PID1: variants seen among roughly 807,000 people sequenced by gnomAD.
PID1 encodes the protein phosphotyrosine interaction domain containing 1, also known as PTB-containing, cubilin and LRP1-interacting protein.
Under a neutral mutation model 19.1 loss-of-function variants are expected in PID1, and 10 were observed. The ratio of observed to expected loss-of-function variants is 0.52; its 90% CI spans 0.32 to 0.89. PID1 has a LOEUF of 0.89. Among genes scored for constraint, PID1 ranks in the 40% least tolerant of loss-of-function variants. PID1 has a pLI of 0.03. For synonymous variants in PID1, 130 were observed against 116.0 expected, an observed-to-expected ratio of 1.12 and a Z score of -0.78; for missense variants, 248 against 285.3, an observed-to-expected ratio of 0.87 and a Z score of 0.94.
At chr2:229,203,498 A>C (rs1271233226) in intron 1 of PID1, among the ~76,000 whole-genome samples, 1 of 149,236 alleles carries the variant, frequency 6.7e-6, no homozygotes, top group African/African-American at 2.4e-5. Flanking sequence ...TTTCACTTAA[A>C]GTCACAGTTT....
intron 2 of PID1, among the ~76,000 whole-genome samples, chr2:229,039,632 G>A (rs774612693): frequency 2.0e-5 from 3 of 152,208 alleles, no homozygotes; most frequent in Admixed American, 6.5e-5. Context: ...CTTAACTGAC[G>A]GATTCTTATT....
intron 1 of PID1, among the ~76,000 whole-genome samples, chr2:229,220,391 C>T (rs1237111692): frequency 6.6e-6 from 1 of 152,130 alleles, no homozygotes; most frequent in Non-Finnish European, 1.5e-5. Flanking sequence ...CACAAAAGGA[C>T]TGTACAACTG....
At chr2:229,208,868 C>T (rs1181592070) in intron 1 of PID1, among the ~76,000 whole-genome samples, 8 of 152,058 alleles carry the variant, frequency 5.3e-5, no homozygotes, top group Non-Finnish European at 1.5e-5. Flanking sequence ...ATCCTGGAGT[C>T]TCACAGTTAA....
chr2:229,232,788 AATATATATATATAT>A (rs3997299), intron 1 of PID1, among the ~76,000 whole-genome samples: 2,380 of 139,878 alleles, frequency 0.017, 35 homozygotes, highest in East Asian at 0.059. Context: ...CACACACATA[AATATATATATATAT>A]ATATATATAT....
At chr2:229,180,128 G>A (rs925644040) in intron 1 of PID1, among the ~76,000 whole-genome samples, 11 of 152,162 alleles carry the variant, frequency 7.2e-5, no homozygotes, top group African/African-American at 2.4e-4. Context: ...TCTGCTTGAT[G>A]AGTCTTTGCA....
intron 1 of PID1, among the ~76,000 whole-genome samples, chr2:229,268,945 G>A (rs552047391): frequency 2.1e-4 from 32 of 151,566 alleles, no homozygotes; most frequent in African/African-American, 7.7e-4. Flanking sequence ...TCTCTCAGAG[G>A]CAAAAGTAAA....
At chr2:229,148,778 AGAAG>A (rs1690188254) in intron 2 of PID1, among the ~76,000 whole-genome samples, 1 of 151,328 alleles carries the variant, frequency 6.6e-6, no homozygotes, top group Non-Finnish European at 1.5e-5. Context: ...GAGGGAGGGA[AGAAG>A]GAAGGGAGAG....
intron 2 of PID1, among the ~76,000 whole-genome samples, chr2:229,040,083 C>A (rs772469137): frequency 3.4e-5 from 5 of 147,606 alleles, no homozygotes; most frequent in African/African-American, 5.0e-5. Context: ...AGTATATGTA[C>A]TTACATGAAG....
intron 2 of PID1, among the ~76,000 whole-genome samples, chr2:229,120,967 T>C (rs902983690): frequency 6.6e-6 from 1 of 152,078 alleles, no homozygotes; most frequent in Non-Finnish European, 1.5e-5. Flanking sequence ...CACCATATGA[T>C]GCTACACAAA....
intron 2 of PID1, among the ~76,000 whole-genome samples, chr2:229,120,757 G>A (rs749359658): frequency 6.6e-6 from 1 of 152,078 alleles, no homozygotes; most frequent in Non-Finnish European, 1.5e-5. Context: ...TGTGGGCCTA[G>A]TGGGAGATGT....
At chr2:229,075,745 C>T (rs1257877244) in intron 2 of PID1, among the ~76,000 whole-genome samples, 1 of 152,198 alleles carries the variant, frequency 6.6e-6, no homozygotes, top group Non-Finnish European at 1.5e-5. Flanking sequence ...GTCCCCAACT[C>T]TCACTAAAGA....
rs556064221 is a variant in PID1 at position 229,258,841 on chromosome 2, G to A, written c.30+12173C>T. ...GGCGCCACTGCACTCCAGCCTGGGC[G>A]ACAAAGCGAGACTCCGTCTCAAAAA... is the stretch of plus-strand genomic sequence containing the variant. On this transcript the variant is annotated intron_variant, in intron 1 of 2. Coordinates refer to ENST00000392055, the MANE Select transcript of PID1 (RefSeq NM_001100818.2). 6.9e-5 allele frequency among the ~76,000 whole-genome samples: 9 copies of A among 130,216 alleles called. No individual in the cohort carries two copies. In the South Asian group the frequency reaches 1.7e-3, roughly 25 times the overall value. The allele number at this position is 130,216 out of a possible 152,430, so 85.4% of individuals were successfully genotyped here.
At chr2:229,257,595 C>A (rs1034698486) in intron 1 of PID1, among the ~76,000 whole-genome samples, 3 of 152,162 alleles carry the variant, frequency 2.0e-5, no homozygotes, top group African/African-American at 4.8e-5. Context: ...TTCATCACCT[C>A]GACAGAGCCC....
At chr2:229,105,300 G>A (rs572492703) in intron 2 of PID1, among the ~76,000 whole-genome samples, 11 of 152,240 alleles carry the variant, frequency 7.2e-5, no homozygotes, top group Admixed American at 1.3e-4. Flanking sequence ...GAAAGGAAGC[G>A]GCCCATCCTC....
At chr2:229,155,683 CTG>C (rs935789999) in intron 2 of PID1, 133 bp downstream of exon 2, 8 of 758,660 alleles carry the variant, frequency 1.1e-5, no homozygotes, top group Non-Finnish European at 1.6e-5. Context: ...TACCATCACT[CTG>C]TGAATTTATT....
chr2:229,079,989 G>A (rs7604150), intron 2 of PID1, among the ~76,000 whole-genome samples: 11,242 of 152,040 alleles, frequency 0.074, 685 homozygotes, highest in Admixed American at 0.18. Flanking sequence ...GGACTCTGCC[G>A]GTCAGAGGCA....
At chr2:229,225,665 T>C (rs1450164437) in intron 1 of PID1, among the ~76,000 whole-genome samples, 1 of 152,084 alleles carries the variant, frequency 6.6e-6, no homozygotes, top group Admixed American at 6.6e-5. Context: ...GGGTAATTTA[T>C]AAAGGAAAGA....
intron 1 of PID1, among the ~76,000 whole-genome samples, chr2:229,163,680 T>TGTGTGTGTGTGCGCGC (rs1365270238): frequency 2.5e-3 from 261 of 103,764 alleles, no homozygotes; most frequent in East Asian, 6.4e-3. Context: ...TGTGTGCGTG[T>TGTGTGTGTGTGCGCGC]GCGTGTGTGT....
At chr2:229,079,410 T>C (rs1694626557) in intron 2 of PID1, among the ~76,000 whole-genome samples, 1 of 152,194 alleles carries the variant, frequency 6.6e-6, no homozygotes, top group Admixed American at 6.5e-5. Flanking sequence ...ATTTTGCAGT[T>C]TGTCAAGAAT....
Sources: gnomAD v4.1 joint callset for allele counts (sites outside exome capture counted in the v4.1 genomes callset) on GRCh38, gnomAD v4.1.1 for gene constraint, MANE v1.5 for transcripts, NCBI Gene and HGNC (gene_info 2026-07-23, HGNC 2026-07-21) for gene names.